The following FBXL7 variants were observed in gnomAD, a reference collection of about 807,000 sequenced individuals.
FBXL7 encodes the protein F-box and leucine rich repeat protein 7.
In FBXL7, 12 loss-of-function variants were observed where a neutral mutation model predicts 38.3. The ratio of observed to expected loss-of-function variants is 0.31; its 90% confidence interval spans 0.20 to 0.51. The LOEUF (loss-of-function observed/expected upper bound fraction) is 0.51, where lower values mean the gene tolerates loss of function less well. Ranked by LOEUF, FBXL7 falls within the 20% of genes least tolerant of loss-of-function variation. The pLI is 0.98. For synonymous variants in FBXL7, 297 were observed against 300.9 expected, an observed-to-expected ratio of 0.99 and a Z score of 0.13; for missense variants, 567 against 676.4, an observed-to-expected ratio of 0.84 and a Z score of 1.79.
intron 2 of FBXL7, among the ~76,000 whole-genome samples, chr5:15,902,321 C>T (rs146694432): frequency 0.011 from 1,696 of 152,320 alleles, 20 homozygotes; most frequent in Middle Eastern, 0.02. Flanking sequence ...CTCCACAGTA[C>T]GGAGTGCCAA....
intron 2 of FBXL7, among the ~76,000 whole-genome samples, chr5:15,924,101 A>T (rs1260880600): frequency 6.6e-6 from 1 of 152,218 alleles, no homozygotes; most frequent in African/African-American, 2.4e-5. Context: ...ATAATAATGA[A>T]GGTGGGTACC....
At chr5:15,529,977 A>G (rs1737373075) in intron 1 of FBXL7, among the ~76,000 whole-genome samples, 2 of 152,144 alleles carry the variant, frequency 1.3e-5, no homozygotes, top group South Asian at 2.1e-4. Flanking sequence ...AAGGAAGTGT[A>G]TATTGATATC....
intron 1 of FBXL7, among the ~76,000 whole-genome samples, chr5:15,510,085 A>G (rs1736754359): frequency 1.3e-5 from 2 of 152,242 alleles, no homozygotes; most frequent in South Asian, 4.1e-4. Context: ...ACATTTACTC[A>G]TTCTATCAGT....
At chr5:15,719,876 A>T (rs974001733) in intron 2 of FBXL7, among the ~76,000 whole-genome samples, 4 of 148,850 alleles carry the variant, frequency 2.7e-5, no homozygotes, top group Admixed American at 6.8e-5. Context: ...AAGGAGAGAG[A>T]ACAACCATGA....
At chr5:15,883,434 C>T (rs944218616) in intron 2 of FBXL7, among the ~76,000 whole-genome samples, 31 of 152,112 alleles carry the variant, frequency 2.0e-4, no homozygotes, top group African/African-American at 7.2e-4. Flanking sequence ...CTGTGATTCA[C>T]CAAACTAGAT....
intron 2 of FBXL7, among the ~76,000 whole-genome samples, chr5:15,738,905 G>A (rs988496204): frequency 3.3e-5 from 5 of 152,200 alleles, no homozygotes; most frequent in African/African-American, 4.8e-5. Flanking sequence ...GCACCCATGC[G>A]GAGCTGATGC....
At chr5:15,580,670 T>C in intron 1 of FBXL7, 1 of 985,360 alleles carries the variant, frequency 1.0e-6, no homozygotes, top group Non-Finnish European at 1.2e-6. Context: ...AACATGAAAA[T>C]TAACCTCTGG....
At chr5:15,682,250 C>T (rs934104943) in intron 2 of FBXL7, among the ~76,000 whole-genome samples, 6 of 152,148 alleles carry the variant, frequency 3.9e-5, no homozygotes, top group African/African-American at 1.2e-4. Context: ...GAGGTTCCTT[C>T]GAGGGAAATA....
intron 2 of FBXL7, among the ~76,000 whole-genome samples, chr5:15,862,147 T>C (rs1438483380): frequency 6.6e-6 from 1 of 152,150 alleles, no homozygotes; most frequent in Admixed American, 6.5e-5. Context: ...AATTCTCTCA[T>C]GTTGTGGGAG....
chr5:15,629,442 A>G (rs1231146436), intron 2 of FBXL7, among the ~76,000 whole-genome samples: 1 of 152,188 alleles, frequency 6.6e-6, no homozygotes, highest in Admixed American at 6.5e-5. Flanking sequence ...ATAAATTATT[A>G]TATGACATGT....
At chr5:15,824,011 C>T (rs1204107462) in intron 2 of FBXL7, among the ~76,000 whole-genome samples, 1 of 152,186 alleles carries the variant, frequency 6.6e-6, no homozygotes, top group African/African-American at 2.4e-5. Flanking sequence ...GGCACAGTGG[C>T]TCATGCCTGT....
chr5:15,824,308 A>AC (rs1738250066), intron 2 of FBXL7, among the ~76,000 whole-genome samples: 2 of 151,682 alleles, frequency 1.3e-5, no homozygotes, highest in Non-Finnish European at 2.9e-5. Context: ...AAAAAAAAAA[A>AC]AAAGAGAAAA....
chr5:15,724,040 C>T (rs189351217), intron 2 of FBXL7, among the ~76,000 whole-genome samples: 51 of 152,238 alleles, frequency 3.4e-4, no homozygotes, highest in African/African-American at 1.1e-3. Context: ...TTGGTACTTC[C>T]CTCTTCTGTA....
intron 2 of FBXL7, among the ~76,000 whole-genome samples, chr5:15,698,267 C>T (rs1276258661): frequency 6.6e-6 from 1 of 152,132 alleles, no homozygotes; most frequent in Non-Finnish European, 1.5e-5. Flanking sequence ...GGTACACATC[C>T]CATCCCAGTA....
chr5:15,788,521 G>A (rs375058416), intron 2 of FBXL7, among the ~76,000 whole-genome samples: 11 of 152,254 alleles, frequency 7.2e-5, no homozygotes, highest in African/African-American at 2.4e-4. Flanking sequence ...CAAAGTTTGT[G>A]TCAGGGCCTA....
chr5:15,724,898 C>T (rs1002798475), intron 2 of FBXL7, among the ~76,000 whole-genome samples: 6 of 152,170 alleles, frequency 3.9e-5, no homozygotes, highest in South Asian at 4.1e-4. Flanking sequence ...GGCTCTGTAG[C>T]GATTACTGTG....
At chr5:15,755,624 T>C (rs1561113766) in intron 2 of FBXL7, among the ~76,000 whole-genome samples, 1 of 152,238 alleles carries the variant, frequency 6.6e-6, no homozygotes, top group Admixed American at 6.5e-5. Flanking sequence ...GTTTGTAATT[T>C]AACCGAAAAC....
chr5:15,772,618 T>C (rs1736756379), intron 2 of FBXL7, among the ~76,000 whole-genome samples: 1 of 152,098 alleles, frequency 6.6e-6, no homozygotes, highest in Non-Finnish European at 1.5e-5. Flanking sequence ...AAAATGGAAA[T>C]AATAATACCC....
intron 1 of FBXL7, among the ~76,000 whole-genome samples, chr5:15,564,496 G>GTAAAAT (rs879755413): frequency 2.6e-5 from 4 of 151,636 alleles, no homozygotes; most frequent in African/African-American, 7.3e-5. Flanking sequence ...GTGTTCATGG[G>GTAAAAT]ATTTATTGAG....
Sources: allele counts gnomAD v4.1 joint callset (sites outside exome capture counted in the v4.1 genomes callset), GRCh38; gene constraint gnomAD v4.1.1; transcripts MANE v1.5; gene names NCBI Gene and HGNC (gene_info 2026-07-23, HGNC 2026-07-21).